The following LRRK1 variants were observed in gnomAD, a reference collection of about 807,000 sequenced individuals.
The protein encoded by LRRK1 is leucine rich repeat kinase 1.
Under a neutral mutation model 209.1 loss-of-function variants are expected in LRRK1, and 113 were observed. That is an observed-to-expected ratio of 0.54 (90% CI 0.46 to 0.63). The LOEUF (loss-of-function observed/expected upper bound fraction) is 0.63. Among genes scored for constraint, LRRK1 ranks in the 30% least tolerant of loss-of-function variants. The pLI, the probability that LRRK1 is intolerant of heterozygous loss-of-function variation, is 0.00. For synonymous variants in LRRK1, 1,144 were observed against 1,099.7 expected (o/e 1.04, Z -0.80); for missense variants, 2,284 against 2,632.2 (o/e 0.87, Z 2.89).
At chr15:101,017,449 G>A (rs1376782852) in intron 12 of LRRK1, among the ~76,000 whole-genome samples, 2 of 152,084 alleles carry the variant, frequency 1.3e-5, no homozygotes, top group Non-Finnish European at 1.5e-5. Context: ...AGTCCCCAGC[G>A]CCCCCCAGGA....
chr15:100,941,474 G>GTGTGTCTGTGTGTGTCTATGTCTC (rs1567191292), intron 2 of LRRK1, among the ~76,000 whole-genome samples: 8 of 145,000 alleles, frequency 5.5e-5, no homozygotes, highest in South Asian at 4.4e-4. Context: ...CTGTGTGTGT[G>GTGTGTCTGTGTGTGTCTATGTCTC]TGTGTGTGTG....
intron 6 of LRRK1, among the ~76,000 whole-genome samples, chr15:100,991,627 A>G (rs7170149): frequency 0.54 from 82,664 of 152,082 alleles, 24,060 homozygotes; most frequent in African/African-American, 0.77. Flanking sequence ...AGAATTCCTC[A>G]ATACTTTTGG....
intron 2 of LRRK1, among the ~76,000 whole-genome samples, chr15:100,940,711 C>G (rs1246549277): frequency 1.3e-5 from 2 of 152,128 alleles, no homozygotes; most frequent in Non-Finnish European, 2.9e-5. Context: ...AGAGAGGGGC[C>G]CTGGAGGTGC....
At chr15:101,010,112 T>C (rs1343945386) in intron 7 of LRRK1, among the ~76,000 whole-genome samples, 3 of 152,210 alleles carry the variant, frequency 2.0e-5, no homozygotes, top group African/African-American at 2.4e-5. Flanking sequence ...CTGGGCCAGA[T>C]GGACAGGTCC....
rs527923095 is a variant in LRRK1 at position 101,073,912 on chromosome 15, A to T, written c.*5064A>T. 5 of 152,274 alleles carry T rather than the reference A, an allele frequency of 3.3e-5. No individual in the cohort carries two copies. In the East Asian group the frequency reaches 9.7e-4, roughly 29 times the overall value. The allele number at this position is 152,274 out of a possible 1,614,324, so 9.4% of individuals were successfully genotyped here. A position where few individuals can be genotyped will look rare whatever the true frequency, so the allele number is the denominator to read the frequency against. ...CCTAAATGCCTTATTTTCTTCTGCAATGCCGCTTGACCCCAATACAAACTC... is the reference window on the plus strand; with the variant it reads ...CCTAAATGCCTTATTTTCTTCTGCATTGCCGCTTGACCCCAATACAAACTC... On this transcript the variant is annotated 3_prime_UTR_variant, in exon 34 of 34. Coordinates refer to ENST00000388948, the MANE Select transcript of LRRK1 (RefSeq NM_024652.6).
intron 20 of LRRK1, among the ~76,000 whole-genome samples, chr15:101,037,254 GT>G (rs1207585907): frequency 6.6e-6 from 1 of 152,218 alleles, no homozygotes; most frequent in Non-Finnish European, 1.5e-5. Flanking sequence ...CAATGGGCTG[GT>G]TGGGCTTGTG....
At chr15:100,941,470 G>GTGTCTGTGTGTCTGTGTGTGTCTA (rs1368754983) in intron 2 of LRRK1, among the ~76,000 whole-genome samples, 1 of 64,028 alleles carries the variant, frequency 1.6e-5, no homozygotes, top group African/African-American at 4.3e-5. Flanking sequence ...GTCTCTGTGT[G>GTGTCTGTGTGTCTGTGTGTGTCTA]TGTGTGTGTG....
chr15:100,956,375 C>CT (rs374497595), intron 2 of LRRK1, among the ~76,000 whole-genome samples: 8,183 of 136,718 alleles, frequency 0.06, 377 homozygotes, highest in African/African-American at 0.14. Flanking sequence ...AGTTCTCTTT[C>CT]TTTTTTTTCT....
chr15:100,958,689 G>A (rs184585367), intron 2 of LRRK1, among the ~76,000 whole-genome samples: 50 of 152,310 alleles, frequency 3.3e-4, no homozygotes, highest in Admixed American at 1.8e-3. Flanking sequence ...GCCTCTCGGG[G>A]TCAGGCAGTG....
rs192470343 is a variant in LRRK1 at position 101,022,421 on chromosome 15, C to A, written c.1891C>A (p.Arg631=). ...GCTGTCTTACCTGCGTGCTCAGCTGCGGAAAGCGGAAAAGTGCAAGCTGAT... is the reference window on the plus strand; with the variant it reads ...GCTGTCTTACCTGCGTGCTCAGCTGAGGAAAGCGGAAAAGTGCAAGCTGAT... ...AMLSYLRAQL[R]KAEKCKLMKM... The change falls in exon 15 of 34, where the codon CGG becomes AGG. Residue 631 remains arginine, a synonymous_variant. Coordinates refer to ENST00000388948, the MANE Select transcript of LRRK1 (RefSeq NM_024652.6). This position sits in a 1 kb window ranked among gnomAD's most constrained non-coding sequence, Gnocchi z 4.0. 9.9e-6 allele frequency: 16 copies of A among 1,614,094 alleles called. No homozygotes were observed. Among genetic ancestry groups the A allele is most frequent in the Non-Finnish European group, 1.4e-5 (16 of 1,180,050 alleles).
At chr15:100,970,317 T>C (rs1328192810) in intron 2 of LRRK1, among the ~76,000 whole-genome samples, 3 of 152,218 alleles carry the variant, frequency 2.0e-5, no homozygotes, top group African/African-American at 4.8e-5. Context: ...ATGATATTTG[T>C]ATATGGTGAG....
At chr15:100,944,174 G>T (rs1454813090) in intron 2 of LRRK1, among the ~76,000 whole-genome samples, 1 of 151,990 alleles carries the variant, frequency 6.6e-6, no homozygotes, top group Non-Finnish European at 1.5e-5. Context: ...TCAGGATATT[G>T]CTCATGAAAA....
intron 2 of LRRK1, among the ~76,000 whole-genome samples, 178 bp downstream of exon 2, chr15:100,924,907 A>G (rs552748526): frequency 2.0e-5 from 3 of 152,328 alleles, no homozygotes; most frequent in Admixed American, 2.0e-4. Context: ...AAATTGAGGA[A>G]CAGTGTACAA....
intron 3 of LRRK1, among the ~76,000 whole-genome samples, chr15:100,978,007 G>T (rs1169153079): frequency 1.3e-5 from 2 of 151,990 alleles, no homozygotes; most frequent in East Asian, 3.9e-4. Context: ...GTAATAGAAA[G>T]TTTCGGCAAA....
chr15:100,936,638 C>G (rs2042305183), intron 2 of LRRK1, among the ~76,000 whole-genome samples: 1 of 152,168 alleles, frequency 6.6e-6, no homozygotes, highest in African/African-American at 2.4e-5. Flanking sequence ...CTCTCAGAGC[C>G]CAGCCTGTCA....
At position 101,056,552 on chromosome 15, in the gene LRRK1, G is replaced by A. The variant is rs116158106; in HGVS notation, c.4333-304G>A. Among the ~76,000 whole-genome samples, 1,176 of 152,094 alleles carry A rather than the reference G, an allele frequency of 7.7e-3. 23 individuals are homozygous for A. Among genetic ancestry groups the A allele is most frequent in the African/African-American group, 0.027 (1,101 of 41,472 alleles). ...GGATAAATGTGCAGGACAGGTGGTC[G>A]GATGGATAGATGGATGGACAGATGA... On this transcript the variant is annotated intron_variant, in intron 27 of 33. Transcript: ENST00000388948.
At chr15:100,971,869 T>C (rs1299788948) in intron 2 of LRRK1, among the ~76,000 whole-genome samples, 1 of 152,276 alleles carries the variant, frequency 6.6e-6, no homozygotes, top group East Asian at 1.9e-4. Context: ...CTCCCACAAA[T>C]AAGTGAGAAC....
In LRRK1 at chr15:101,072,179, T is replaced by C. The variant is rs1418296269; in HGVS notation, c.*3331T>C. 2.6e-5 allele frequency: 4 copies of C among 152,262 alleles called. No homozygotes were observed. The highest frequency in any genetic ancestry group is 2.0e-4 in the Admixed American group (3 of 15,288). 9.4% of individuals were successfully genotyped at this position (152,262 alleles called of 1,614,324 possible). A position where few individuals can be genotyped will look rare whatever the true frequency, so the allele number is the denominator to read the frequency against. On this transcript the variant is annotated 3_prime_UTR_variant, in exon 34 of 34. Transcript: ENST00000388948. ...CCCCTTGGAGGGCATTCTGGACTTA[T>C]CTACCAAAATTTCAAATGCACATAC...
chr15:101,036,768 A>G (rs2034508866), intron 20 of LRRK1, among the ~76,000 whole-genome samples: 1 of 151,930 alleles, frequency 6.6e-6, no homozygotes, highest in Non-Finnish European at 1.5e-5. Context: ...TTCACAGGGG[A>G]GAACTTTCTC....
Sources: gnomAD v4.1 joint callset for allele counts (sites outside exome capture counted in the v4.1 genomes callset) on GRCh38, gnomAD v4.1.1 for gene constraint, Gnocchi (gnomAD v3.1) non-coding constraint, MANE v1.5 for transcripts, NCBI Gene and HGNC (gene_info 2026-07-23, HGNC 2026-07-21) for gene names.